Variants in TGM1 observed in about 807,000 individuals in gnomAD.
TGM1 encodes the protein transglutaminase 1, also known as protein-glutamine gamma-glutamyltransferase K.
Under a neutral mutation model 88.7 loss-of-function variants are expected in TGM1, and 63 were observed. The ratio of observed to expected loss-of-function variants is 0.71; its 90% CI spans 0.58 to 0.88. The LOEUF (loss-of-function observed/expected upper bound fraction) is 0.88, where lower values mean the gene tolerates loss of function less well. TGM1 is among the 40% of genes least tolerant of loss of function. The pLI is 0.00. For synonymous variants in TGM1, 415 were observed against 431.1 expected (o/e 0.96, Z 0.46); for missense variants, 996 against 1,118.0 (o/e 0.89, Z 1.56).
At chr14:24,262,746 G>A (rs1461392838) in intron 1 of TGM1, among the ~76,000 whole-genome samples, 2 of 152,202 alleles carry the variant, frequency 1.3e-5, no homozygotes, top group African/African-American at 4.8e-5. Flanking sequence ...TGCTAGCTCT[G>A]CAGTCTAGAG....
intron 3 of TGM1, 152 bp downstream of exon 3, chr14:24,261,543 C>T (rs1043715763): frequency 2.0e-6 from 2 of 991,230 alleles, no homozygotes; most frequent in African/African-American, 1.6e-5. Flanking sequence ...TGAGACACAA[C>T]CCCAGGGGCA....
Position 24,262,018 on chromosome 14 carries a change from G to A in TGM1, c.319+16C>T. 1 of 1,613,186 alleles carries A rather than the reference G, an allele frequency of 6.2e-7. No homozygotes were observed. Among genetic ancestry groups the A allele is most frequent in the Non-Finnish European group, 8.5e-7 (1 of 1,179,984 alleles). ...AGCCTTTTAGCTCTCAGCTGAGGAG[G>A]ACAGACCGGCCTCACCTCGGATGGT... is the stretch of plus-strand genomic sequence containing the variant. On this transcript the variant is annotated intron_variant, in intron 2 of 14. Transcript: ENST00000206765.
At position 24,258,628 on chromosome 14, in the gene TGM1, T is replaced by C. The variant is rs763185124; in HGVS notation, c.1205A>G (p.Asn402Ser). The change falls in exon 8 of 15, where the codon AAC becomes AGC. Residue 402 changes from asparagine (N) to serine (S), a missense_variant. Transcript: ENST00000206765. Reference protein sequence around the residue: ...GLATRTVTNFNSAHDTDTSLT... With the variant: ...GLATRTVTNFSSAHDTDTSLT... ...GGATGTGTCTGTGTCGTGGGCGGAG[T>C]TGAAGTTGGTGACAGTACGGGTGGC... The C allele has an allele frequency of 1.1e-5, 17 of 1,613,764 alleles. No homozygotes were observed. The highest frequency in any genetic ancestry group is 4.0e-5 in the African/African-American group (3 of 74,800).
chr14:24,262,515 A>T (rs1350458617), intron 1 of TGM1, among the ~76,000 whole-genome samples, 161 bp from the exon 2 acceptor site: 1 of 152,210 alleles, frequency 6.6e-6, no homozygotes, highest in Non-Finnish European at 1.5e-5. Flanking sequence ...TTCCGCGAAG[A>T]CCATTCAGAC....
intron 1 of TGM1, 106 bp from the exon 2 acceptor site, chr14:24,262,460 C>A: frequency 8.2e-7 from 1 of 1,225,728 alleles, no homozygotes; most frequent in Non-Finnish European, 1.2e-6. Flanking sequence ...ATGACCGAAA[C>A]AATCCCACCT....
rs756278598 is a variant in TGM1, at chr14:24,254,245, A to G, written c.2132T>C (p.Ile711Thr). The G allele has an allele frequency of 5.6e-6, 9 of 1,613,872 alleles. No individual in the cohort carries two copies. The Admixed American group carries it at 1.2e-4, about 21-fold the overall frequency. Residue 711 changes from isoleucine to threonine, a missense_variant, in exon 14 of 15, where the codon ATT (isoleucine) becomes ACT (threonine). By Grantham distance (89) the Ile-to-Thr change is moderately conservative. Coordinates refer to ENST00000206765, the MANE Select transcript of TGM1 (RefSeq NM_000359.3). ...GACGGGAAGGGGGTTCTTGAAGACA[A>G]TCTGTACTTCACACTCCTGGCCAAC... ...AVVGQECEVQ[I>T]VFKNPLPVTL...
At chr14:24,256,895 TACAG>T (rs2040755977) in intron 9 of TGM1, among the ~76,000 whole-genome samples, 1 of 152,216 alleles carries the variant, frequency 6.6e-6, no homozygotes, top group Admixed American at 6.5e-5. Context: ...TCCCTTCAGA[TACAG>T]AATTTCTCAT....
chr14:24,252,907 G>C (rs1011755146), intron 14 of TGM1, among the ~76,000 whole-genome samples: 3 of 152,222 alleles, frequency 2.0e-5, no homozygotes, highest in East Asian at 1.9e-4. Flanking sequence ...TTCCTAGGCG[G>C]GGACGGGGCA....
rs989874588 is a variant in TGM1, at chr14:24,255,082, C to G, written c.1817G>C (p.Ser606Thr). The change falls in exon 12 of 15, where the codon AGC becomes ACC. Residue 606 changes from serine to threonine, a missense_variant. Coordinates refer to ENST00000206765, the MANE Select transcript of TGM1 (RefSeq NM_000359.3). This position sits in a 1 kb window ranked among gnomAD's most constrained non-coding sequence, Gnocchi z 4.0. ...VSVMLINHSSSRRTVKLHLYL... is the reference protein window; with the variant it reads ...VSVMLINHSSTRRTVKLHLYL... ...GAGGTGCAGTTTCACTGTGCGGCGG[C>G]TGCTGCTGTGATTGATCAGCATCAC... is the stretch of plus-strand genomic sequence containing the variant. 15 of 1,614,064 alleles carry G rather than the reference C, an allele frequency of 9.3e-6. No homozygotes were observed. The highest frequency in any genetic ancestry group is 1.3e-5 in the Non-Finnish European group (15 of 1,180,060).
In TGM1 at chr14:24,255,333, C is replaced by T. The variant is rs1287639963; in HGVS notation, c.1645+31G>A. On this transcript the variant is annotated intron_variant, in intron 11 of 14. Coordinates refer to ENST00000206765, the MANE Select transcript of TGM1 (RefSeq NM_000359.3). The surrounding 1 kb of genome is among the most constrained non-coding windows in gnomAD (Gnocchi z 4.0). ...CTTGGCAGGAACACTTGTTGTGGGG[C>T]CCAGAGCTGGCTGGGTTGGGGGAAT... The T allele has an allele frequency of 1.2e-6, 2 of 1,614,070 alleles. No homozygotes were observed. Among genetic ancestry groups the T allele is most frequent in the South Asian group, 2.2e-5 (2 of 91,084 alleles).
At chr14:24,251,862 T>C (rs1299742137) in intron 14 of TGM1, among the ~76,000 whole-genome samples, 1 of 152,194 alleles carries the variant, frequency 6.6e-6, no homozygotes, top group Non-Finnish European at 1.5e-5. Context: ...GACTTCAGGT[T>C]TCTCTGCAAA....
In TGM1 at chr14:24,262,235, C is replaced by T. The variant is rs2040819651; in HGVS notation, c.118G>A (p.Gly40Ser). 6 of 1,613,858 alleles carry T rather than the reference C, an allele frequency of 3.7e-6. No individual in the cohort carries two copies. The East Asian group carries it at 1.3e-4, about 36-fold the overall frequency. Reference sequence around the variant, plus strand: ...CAGCAGCGAGCCCAGAAGGAACGGCCTCCTCCTCTGCGAGAGCGTCCGTCT... The same window carrying T: ...CAGCAGCGAGCCCAGAAGGAACGGCTTCCTCCTCTGCGAGAGCGTCCGTCT... ...EPDGRSRRGGGRSFWARCCGC... is the reference protein window; with the variant it reads ...EPDGRSRRGGSRSFWARCCGC... Residue 40 changes from glycine to serine, a missense_variant, in exon 2 of 15, where the codon GGC becomes AGC. Physicochemically the swap from Gly to Ser is moderately conservative, Grantham distance 56. Coordinates refer to ENST00000206765, the MANE Select transcript of TGM1 (RefSeq NM_000359.3).
rs768306663 is a variant in TGM1, at chr14:24,262,175, C to T, written c.178G>A (p.Asp60Asn). 57 of 1,613,608 alleles carry T rather than the reference C, an allele frequency of 3.5e-5. No individual in the cohort carries two copies. Among genetic ancestry groups the T allele is most frequent in the South Asian group, 1.5e-4 (14 of 91,084 alleles). The change falls in exon 2 of 15, where the codon GAC becomes AAC. Residue 60 changes from aspartate (D) to asparagine (N), a missense_variant. Asp to Asn is a conservative substitution (Grantham distance 23). Coordinates refer to ENST00000206765, the MANE Select transcript of TGM1 (RefSeq NM_000359.3). ...CCSCRNAADDDWGPEPSDSRG... is the reference protein window; with the variant it reads ...CCSCRNAADDNWGPEPSDSRG... ...GAGTCAGAGGGTTCAGGTCCCCAGT[C>T]GTCATCTGCCGCATTTCGGCATGAA...
rs764040146 is a variant in TGM1 at position 24,260,002 on chromosome 14, A to G, written c.814T>C (p.Ser272Pro). ...DWRQEYVLNE[S>P]GRIYYGTEAQ... ...TCGGTCCCGTAGTAAATTCTCCCAG[A>G]CTCATTAAGAACATACTCCTGCCGC... Residue 272 changes from serine (S) to proline (P), a missense_variant, in exon 5 of 15, where the codon TCT becomes CCT. Physicochemically the swap from Ser to Pro is moderately conservative, Grantham distance 74. Transcript: ENST00000206765. 3 of 1,613,894 alleles carry G rather than the reference A, an allele frequency of 1.9e-6. No homozygotes were observed. Among genetic ancestry groups the G allele is most frequent in the Non-Finnish European group, 2.5e-6 (3 of 1,180,004 alleles).
At position 24,256,583 on chromosome 14, in the gene TGM1, G is replaced by A. The variant is rs570290086; in HGVS notation, c.1403-506C>T. Among the ~76,000 whole-genome samples, 4 of 152,350 alleles carry A rather than the reference G, an allele frequency of 2.6e-5. No individual in the cohort carries two copies. The South Asian group carries it at 8.3e-4, about 32-fold the overall frequency. On this transcript the variant is annotated intron_variant, in intron 9 of 14. Transcript: ENST00000206765. ...ATGCGGAACAACCCTCAGCTCTGCAGCCTGCTGCCCTTTCTACTGGGGGGA... is the reference window on the plus strand; with the variant it reads ...ATGCGGAACAACCCTCAGCTCTGCAACCTGCTGCCCTTTCTACTGGGGGGA...
Position 24,255,517 on chromosome 14 carries a change from C to T in TGM1, c.1492G>A (p.Val498Met). 1 of 1,613,102 alleles carries T rather than the reference C, an allele frequency of 6.2e-7. No individual in the cohort carries two copies. The highest frequency in any genetic ancestry group is 8.5e-7 in the Non-Finnish European group (1 of 1,180,026). Reference sequence around the variant, plus strand: ...TGCCAGTACACCTTGTCACTATTCACCTGTGGGGGGTGGGGGTGAGCAGGA... The same window carrying T: ...TGCCAGTACACCTTGTCACTATTCATCTGTGGGGGGTGGGGGTGAGCAGGA... ...KYDTPFIFAE[V>M]NSDKVYWQRQ... Residue 498 changes from valine (V) to methionine (M), a missense_variant and splice_region_variant, in exon 11 of 15, where the codon GTG (valine) becomes ATG (methionine). Val to Met is a conservative substitution (Grantham distance 21). Transcript: ENST00000206765. This position sits in a 1 kb window ranked among gnomAD's most constrained non-coding sequence, Gnocchi z 4.0.
rs1213879412 is a variant in TGM1 at position 24,249,271 on chromosome 14, C to T, written c.*42G>A. Reference sequence around the variant, plus strand: ...GTGTGCCCCTATCTTGGGGCAATGTCCTTGCTCATCTGACTCCAGTCCCAT... The same window carrying T: ...GTGTGCCCCTATCTTGGGGCAATGTTCTTGCTCATCTGACTCCAGTCCCAT... On this transcript the variant is annotated 3_prime_UTR_variant, in exon 15 of 15. Transcript: ENST00000206765. 5.7e-6 allele frequency: 9 copies of T among 1,585,374 alleles called. No homozygotes were observed. Among genetic ancestry groups the T allele is most frequent in the Non-Finnish European group, 7.8e-6 (9 of 1,158,644 alleles).
At chr14:24,252,766 C>T (rs559907623) in intron 14 of TGM1, among the ~76,000 whole-genome samples, 8 of 152,292 alleles carry the variant, frequency 5.3e-5, no homozygotes, top group African/African-American at 1.7e-4. Flanking sequence ...CTGCTTCCTC[C>T]CCTCAGTTTC....
Position 24,259,252 on chromosome 14 carries a change from G to GC in TGM1, c.985-4dup, listed in dbSNP as rs2040784246. On this transcript the variant is annotated splice_polypyrimidine_tract_variant and splice_region_variant and intron_variant, in intron 6 of 14. Coordinates refer to ENST00000206765, the MANE Select transcript of TGM1 (RefSeq NM_000359.3). The surrounding 1 kb of genome is among the most constrained non-coding windows in gnomAD (Gnocchi z 5.7). Reference sequence around the variant, plus strand: ...CCATTGTCATCCAGGGAGTTCACCTGCCCAGGACAGGATGAGATAGGGCGG... The same window carrying GC: ...CCATTGTCATCCAGGGAGTTCACCTGCCCCAGGACAGGATGAGATAGGGCGG... 1 of 1,610,882 alleles carries GC rather than the reference G, an allele frequency of 6.2e-7. No individual in the cohort carries two copies. The highest frequency in any genetic ancestry group is 1.3e-5 in the African/African-American group (1 of 74,960).
Sources: allele counts gnomAD v4.1 joint callset (sites outside exome capture counted in the v4.1 genomes callset), GRCh38; gene constraint gnomAD v4.1.1; non-coding constraint Gnocchi (gnomAD v3.1); transcripts MANE v1.5; gene names NCBI Gene and HGNC (gene_info 2026-07-23, HGNC 2026-07-21).